The following NWD1 variants were observed in gnomAD, a reference collection of about 807,000 sequenced individuals.
The protein encoded by NWD1 is NACHT domain- and WD repeat-containing protein 1.
In NWD1, 129 loss-of-function variants were observed where a neutral mutation model predicts 135.1. The ratio of observed to expected loss-of-function variants is 0.96; its 90% CI spans 0.83 to 1.11. NWD1 has a LOEUF of 1.11. Ranked by LOEUF, NWD1 falls within the 50% of genes least tolerant of loss-of-function variation. The pLI, the probability that NWD1 is intolerant of heterozygous loss-of-function variation, is 0.00. For missense variants in NWD1, 1,740 were observed against 1,851.3 expected (o/e 0.94, Z 1.10); for synonymous variants, 773 against 786.0 (o/e 0.98, Z 0.28).
intron 6 of NWD1, among the ~76,000 whole-genome samples, chr19:16,752,827 T>C (rs1968632698): frequency 6.6e-6 from 1 of 152,150 alleles, no homozygotes; most frequent in Admixed American, 6.6e-5. Flanking sequence ...TGAGAGCCCC[T>C]GCCTCAGTGA....
intron 12 of NWD1, among the ~76,000 whole-genome samples, chr19:16,783,048 T>A (rs1969915755): frequency 6.6e-6 from 1 of 150,714 alleles, no homozygotes; most frequent in Non-Finnish European, 1.5e-5. Context: ...TTTCTTTTTT[T>A]TTTTTCAGGA....
At chr19:16,745,334 T>G (rs758106322) in intron 5 of NWD1, among the ~76,000 whole-genome samples, 2 of 151,960 alleles carry the variant, frequency 1.3e-5, no homozygotes, top group African/African-American at 2.4e-5. Flanking sequence ...GAGATTTGGG[T>G]GAAGACACAG....
chr19:16,731,034 A>G, intron 2 of NWD1, 158 bp from the exon 3 acceptor site: 1 of 480,214 alleles, frequency 2.1e-6, no homozygotes, highest in Non-Finnish European at 3.7e-6. Flanking sequence ...TCTTGAGGCC[A>G]GGAACTCGAG....
intron 3 of NWD1, 69 bp from the exon 4 acceptor site, chr19:16,736,565 A>G (rs1599435009): frequency 2.0e-6 from 2 of 1,009,838 alleles, no homozygotes; most frequent in East Asian, 2.6e-5. Flanking sequence ...CTGCTTTGTC[A>G]AAAGGGATTG....
At chr19:16,793,337 C>A (rs984508511) in intron 14 of NWD1, among the ~76,000 whole-genome samples, 1 of 151,920 alleles carries the variant, frequency 6.6e-6, no homozygotes, top group East Asian at 2.0e-4. Flanking sequence ...GGGCTCAAGA[C>A]GTCCTCTCGC....
chr19:16,745,374 G>T (rs1254226283), intron 5 of NWD1, among the ~76,000 whole-genome samples: 2 of 151,944 alleles, frequency 1.3e-5, no homozygotes, highest in East Asian at 3.9e-4. Flanking sequence ...GCAATGCAGG[G>T]CGACTACCAT....
chr19:16,786,735 C>T (rs1474422039), intron 12 of NWD1, among the ~76,000 whole-genome samples: 13 of 151,820 alleles, frequency 8.6e-5, no homozygotes, highest in East Asian at 7.7e-4. Context: ...TTAGTAGAGA[C>T]GGGGTTTTGC....
At position 16,747,628 on chromosome 19, in the gene NWD1, C is replaced by T. The variant is rs903290985; in HGVS notation, c.497-1511C>T. 1.8e-4 allele frequency among the ~76,000 whole-genome samples: 27 copies of T among 152,088 alleles called. 1 individual carries two copies. Among genetic ancestry groups the T allele is most frequent in the Admixed American group, 1.8e-3 (27 of 15,230 alleles). On this transcript the variant is annotated intron_variant, in intron 5 of 18. Coordinates refer to ENST00000524140, the MANE Select transcript of NWD1 (RefSeq NM_001007525.5). ...GCTCAAGTGATCGTCCAGCCTCTGC[C>T]TCCCAAAGTGCTGAGATTACAGGCA... is the stretch of plus-strand genomic sequence containing the variant.
chr19:16,781,314 A>G (rs775075815), intron 12 of NWD1, among the ~76,000 whole-genome samples: 1 of 152,162 alleles, frequency 6.6e-6, no homozygotes, highest in African/African-American at 2.4e-5. Context: ...CTTGATATAC[A>G]TAGGACCACA....
intron 2 of NWD1, 42 bp downstream of exon 2, chr19:16,724,505 T>C (rs1001485723): frequency 6.6e-6 from 1 of 152,102 alleles, no homozygotes; most frequent in African/African-American, 2.4e-5. Flanking sequence ...GGTTTGCTAC[T>C]GTTGTGAAGA....
intron 18 of NWD1, among the ~76,000 whole-genome samples, chr19:16,810,065 C>A (rs1452437922): frequency 2.6e-5 from 4 of 152,068 alleles, no homozygotes; most frequent in Admixed American, 6.6e-5. Context: ...GTGTTTTGCT[C>A]ACTGAAGTTT....
chr19:16,751,736 G>A (rs1474235778), intron 6 of NWD1, among the ~76,000 whole-genome samples: 4 of 150,760 alleles, frequency 2.7e-5, no homozygotes, highest in Non-Finnish European at 5.9e-5. Flanking sequence ...GGGAGGCAGA[G>A]GTTGCAGTGA....
chr19:16,808,201 C>A, intron 18 of NWD1, 65 bp downstream of exon 18: 1 of 1,449,388 alleles, frequency 6.9e-7, no homozygotes, highest in Non-Finnish European at 9.6e-7. Flanking sequence ...AGATAGCCAT[C>A]ATTTACTAAG....
chr19:16,749,325 A>G lies in NWD1; in HGVS notation c.683A>G (p.Lys228Arg), dbSNP rs779057858. The change falls in exon 6 of 19, where the codon AAA becomes AGA. Residue 228 changes from lysine (K) to arginine (R), a missense_variant. Transcript: ENST00000524140. ...GCCCAGAACCTTCTCAGCAGCCTCAAAAGTCACATCACTGACATGCACCCA... is the reference window on the plus strand; with the variant it reads ...GCCCAGAACCTTCTCAGCAGCCTCAGAAGTCACATCACTGACATGCACCCA... ...ADAQNLLSSL[K>R]SHITDMHPGV... 1.9e-6 allele frequency: 3 copies of G among 1,613,854 alleles called. No homozygotes were observed. In the African/African-American group the frequency reaches 4.0e-5, roughly 22 times the overall value.
At chr19:16,737,273 T>C (rs1423813557) in intron 4 of NWD1, among the ~76,000 whole-genome samples, 1 of 152,084 alleles carries the variant, frequency 6.6e-6, no homozygotes, top group African/African-American at 2.4e-5. Flanking sequence ...TCTTTTTTCT[T>C]TTTCTTTTTT....
At chr19:16,734,003 G>A (rs1052578532) in intron 3 of NWD1, among the ~76,000 whole-genome samples, 4 of 152,072 alleles carry the variant, frequency 2.6e-5, no homozygotes, top group African/African-American at 9.7e-5. Flanking sequence ...GTTCCGAGTT[G>A]TCTTTGTCTC....
In NWD1 at chr19:16,761,350, CTCTT is replaced by C. The variant is rs145039514; in HGVS notation, c.1974-614_1974-611del. Among the ~76,000 whole-genome samples, 1,067 of 144,194 alleles carry C rather than the reference CTCTT, an allele frequency of 7.4e-3. 14 individuals carry two copies. The highest frequency in any genetic ancestry group is 0.029 in the African/African-American group (995 of 34,274). 94.6% of individuals were successfully genotyped at this position (144,194 alleles called of 152,430 possible). A position where few individuals can be genotyped will look rare whatever the true frequency, so the allele number is the denominator to read the frequency against. ...GTTTGAACACCTGTTCCCTTTCTTT[CTCTT>C]TCTTTCTTTCTTTCCTTCTTTCTCT... On this transcript the variant is annotated intron_variant, in intron 7 of 18. Coordinates refer to ENST00000524140, the MANE Select transcript of NWD1 (RefSeq NM_001007525.5).
chr19:16,794,425 C>A (rs767056392), intron 14 of NWD1, 38 bp from the exon 15 acceptor site: 2 of 1,209,780 alleles, frequency 1.7e-6, no homozygotes, highest in East Asian at 2.3e-5. Context: ...ACCCTTAACC[C>A]GTGGAAGTGC....
Position 16,815,353 on chromosome 19 carries a change from G to C in NWD1, c.*314G>C, listed in dbSNP as rs148810266. 3.2e-5 allele frequency: 23 copies of C among 708,340 alleles called. No individual in the cohort carries two copies. The highest frequency in any genetic ancestry group is 5.7e-5 in the Non-Finnish European group (22 of 387,126). The allele number at this position is 708,340 out of a possible 1,614,324, so 43.9% of individuals were successfully genotyped here. A position where few individuals can be genotyped will look rare whatever the true frequency, so the allele number is the denominator to read the frequency against. On this transcript the variant is annotated 3_prime_UTR_variant, in exon 19 of 19. Transcript: ENST00000524140. ...AAAAAAATAAAAATAAAAAAACCCT[G>C]TGGGGGTATGGGGCTCCAGTGAGTT...
Sources: allele counts gnomAD v4.1 joint callset (sites outside exome capture counted in the v4.1 genomes callset), GRCh38; gene constraint gnomAD v4.1.1; transcripts MANE v1.5; gene names NCBI Gene and HGNC (gene_info 2026-07-23, HGNC 2026-07-21).